ART3: variants seen among roughly 807,000 people sequenced by gnomAD.
The protein encoded by ART3 is ecto-ADP-ribosyltransferase 3.
A neutral mutation model predicts 48.5 loss-of-function variants in ART3; 49 were observed. That is an observed-to-expected ratio of 1.01 (90% CI 0.80 to 1.28). The LOEUF (loss-of-function observed/expected upper bound fraction) is 1.28, where lower values mean the gene tolerates loss of function less well. Ranked by LOEUF, ART3 falls within the 50% of genes most tolerant of loss-of-function variation. The probability of loss-of-function intolerance (pLI) is 0.00; values close to 1 mark genes in which losing one functional copy is unlikely to be tolerated. For synonymous variants in ART3, 145 were observed against 157.2 expected, an observed-to-expected ratio of 0.92 and a Z score of 0.58; for missense variants, 438 against 454.3, an observed-to-expected ratio of 0.96 and a Z score of 0.33.
At chr4:76,021,676 T>A (rs1391509399) in intron 1 of ART3, 2 of 472,976 alleles carry the variant, frequency 4.2e-6, no homozygotes, top group Non-Finnish European at 7.5e-6. Context: ...ACTAAGAACA[T>A]AGCACCTCAG....
chr4:76,020,114 CT>C (rs572701495), intron 1 of ART3, among the ~76,000 whole-genome samples: 113 of 144,974 alleles, frequency 7.8e-4, no homozygotes, highest in East Asian at 6.5e-3. Flanking sequence ...CTTCTGTTTC[CT>C]TTTTTTTTTT....
chr4:76,025,659 T>C (rs930179374), intron 1 of ART3, among the ~76,000 whole-genome samples: 2 of 152,220 alleles, frequency 1.3e-5, no homozygotes, highest in Non-Finnish European at 2.9e-5. Context: ...CTTGAGTATA[T>C]ACTCTTTTGT....
At chr4:76,043,765 A>G (rs71629032) in intron 1 of ART3, among the ~76,000 whole-genome samples, 89,525 of 146,856 alleles carry the variant, frequency 0.61, 28,771 homozygotes, top group East Asian at 0.94. Context: ...GGGCTCCTCA[A>G]GTGCCGCCAA....
At chr4:76,063,745 T>A (rs1719452829) in intron 1 of ART3, among the ~76,000 whole-genome samples, 1 of 152,152 alleles carries the variant, frequency 6.6e-6, no homozygotes, top group African/African-American at 2.4e-5. Flanking sequence ...GAAAATTAGT[T>A]TAAAACAATG....
chr4:76,035,846 T>A (rs1179613955), intron 1 of ART3: 3 of 1,275,298 alleles, frequency 2.4e-6, no homozygotes, highest in Non-Finnish European at 3.4e-6. Context: ...TATCATGTCT[T>A]TTAGGATAAA....
chr4:76,044,894 T>C (rs74589048), intron 1 of ART3, among the ~76,000 whole-genome samples: 7,804 of 152,166 alleles, frequency 0.051, 304 homozygotes, highest in South Asian at 0.14. Context: ...AATAACTCCA[T>C]AACTTCCCTG....
chr4:76,097,128 G>C lies in ART3; in HGVS notation c.782-516G>C, dbSNP rs73826313. Among the ~76,000 whole-genome samples the C allele has an allele frequency of 2.8e-3, 433 of 152,298 alleles. 2 individuals are homozygous for C. The highest frequency in any genetic ancestry group is 9.9e-3 in the African/African-American group (411 of 41,568). On this transcript the variant is annotated intron_variant, in intron 3 of 11. Coordinates refer to ENST00000355810, the MANE Select transcript of ART3 (RefSeq NM_001130016.3). ...ATACAGATAAGAAAACTGAATTCCGGAAAGCTTAGGTGTTTTGTCAGAGGT... is the reference window on the plus strand; with the variant it reads ...ATACAGATAAGAAAACTGAATTCCGCAAAGCTTAGGTGTTTTGTCAGAGGT...
chr4:76,081,901 T>C lies in ART3; in HGVS notation c.147T>C (p.Ile49=), dbSNP rs1722565977. The change falls in exon 3 of 12, where the codon ATT becomes ATC. Residue 49 remains isoleucine (I), a synonymous_variant. Transcript: ENST00000355810. ...EYLKCTDRME[I]KYVPQLLKEE... is the part of the protein sequence containing the mutation. ...TGAAATGTACGGACAGGATGGAAAT[T>C]AAATACGTTCCCCAACTGCTAAAGG... 16 of 1,614,158 alleles carry C rather than the reference T, an allele frequency of 9.9e-6. No individual in the cohort carries two copies. The highest frequency in any genetic ancestry group is 1.4e-5 in the Non-Finnish European group (16 of 1,180,016).
intron 2 of ART3, among the ~76,000 whole-genome samples, chr4:76,076,244 T>C (rs1721052861): frequency 6.6e-6 from 1 of 151,992 alleles, no homozygotes; most frequent in Non-Finnish European, 1.5e-5. Context: ...GACCTCATGA[T>C]CCGCCCACCT....
At position 76,097,631 on chromosome 4, in the gene ART3, C is replaced by A. The variant is rs756018524; in HGVS notation, c.782-13C>A. ...TTATGTCTAACTAATAAAGCTTTAT[C>A]TTTGTGTTTCAGGACTAAAAACCGA... On this transcript the variant is annotated splice_polypyrimidine_tract_variant and intron_variant, in intron 3 of 11. Transcript: ENST00000355810. 6.2e-7 allele frequency: 1 copy of A among 1,601,420 alleles called. No homozygotes were observed. Among genetic ancestry groups the A allele is most frequent in the South Asian group, 1.1e-5 (1 of 90,682 alleles).
chr4:76,098,200 CAA>C (rs35470242), intron 4 of ART3, among the ~76,000 whole-genome samples: 3,510 of 127,936 alleles, frequency 0.027, 101 homozygotes, highest in African/African-American at 0.084. Context: ...AGGATGTGAC[CAA>C]AAAAAAAAAA....
chr4:76,041,336 A>G (rs1232587140), intron 1 of ART3: 1 of 152,138 alleles, frequency 6.6e-6, no homozygotes, highest in African/African-American at 2.4e-5. Flanking sequence ...TTATATTTGT[A>G]TAATATGGTT....
chr4:76,052,718 CTT>C (rs55799556), intron 1 of ART3, among the ~76,000 whole-genome samples: 7 of 115,094 alleles, frequency 6.1e-5, no homozygotes, highest in Admixed American at 8.5e-5. Flanking sequence ...TTTTTTCCTT[CTT>C]TTTTTTTTTT....
At chr4:76,101,299 A>G (rs2149679247) in intron 8 of ART3, among the ~76,000 whole-genome samples, 1 of 152,336 alleles carries the variant, frequency 6.6e-6, no homozygotes, top group Admixed American at 6.5e-5. Flanking sequence ...GACCTCTAGG[A>G]TATTGGGCAG....
intron 1 of ART3, among the ~76,000 whole-genome samples, chr4:76,043,019 G>T (rs75421611): frequency 9.2e-5 from 14 of 151,408 alleles, no homozygotes; most frequent in African/African-American, 2.2e-4. Context: ...ACAGAGTGTC[G>T]ACACAGAGGT....
chr4:76,105,552 C>A (rs1287794033), intron 10 of ART3: 2 of 1,288,542 alleles, frequency 1.6e-6, no homozygotes, highest in Non-Finnish European at 2.0e-6. Context: ...AATGAAAAAC[C>A]TGGTAATATA....
chr4:76,046,291 C>T lies in ART3; in HGVS notation c.-9-29590C>T, dbSNP rs564963171. On this transcript the variant is annotated intron_variant, in intron 1 of 9. Coordinates refer to the ART3 transcript ENST00000341029. ...AGAAGGCATCCTTGAGGTCCAGAAC[C>T]GTGAACCATTCTGCTTCCCCTGGTA... Among the ~76,000 whole-genome samples, 15 of 152,052 alleles carry T rather than the reference C, an allele frequency of 9.9e-5. No homozygotes were observed. In the East Asian group the frequency reaches 1.5e-3, roughly 16 times the overall value.
intron 5 of ART3, chr4:76,099,252 A>T: frequency 2.4e-6 from 1 of 413,462 alleles, no homozygotes; most frequent in Non-Finnish European, 4.5e-6. Flanking sequence ...CAGTGAGCCA[A>T]GATTGCACCC....
At chr4:76,088,237 C>T (rs1295392864) in intron 3 of ART3, among the ~76,000 whole-genome samples, 1 of 124,150 alleles carries the variant, frequency 8.1e-6, no homozygotes, top group African/African-American at 3.0e-5. Context: ...ACATATCATC[C>T]CCTGAACTCT....
Sources: gnomAD v4.1 joint callset for allele counts (sites outside exome capture counted in the v4.1 genomes callset) on GRCh38, gnomAD v4.1.1 for gene constraint, MANE v1.5 for transcripts, NCBI Gene and HGNC (gene_info 2026-07-23, HGNC 2026-07-21) for gene names.